Variants in DPF3 observed in about 807,000 individuals in gnomAD.
DPF3 encodes double PHD fingers 3.
In DPF3, 18 loss-of-function variants were observed where a neutral mutation model predicts 56.8. The observed-to-expected ratio is 0.32, with a 90% confidence interval of 0.22 to 0.47. The LOEUF (loss-of-function observed/expected upper bound fraction) is 0.47, where lower values mean the gene tolerates loss of function less well. Among genes scored for constraint, DPF3 ranks in the 20% least tolerant of loss-of-function variants. The pLI is 1.00. For missense variants in DPF3, 403 were observed against 488.8 expected, an observed-to-expected ratio of 0.82 and a Z score of 1.65; for synonymous variants, 188 against 180.2, an observed-to-expected ratio of 1.04 and a Z score of -0.35.
intron 9 of DPF3, among the ~76,000 whole-genome samples, chr14:72,620,266 C>T (rs568488543): frequency 9.8e-5 from 15 of 152,322 alleles, no homozygotes; most frequent in African/African-American, 2.9e-4. Flanking sequence ...CACCTCACAT[C>T]CAAATTTAAA....
rs1478360062 is a variant in DPF3 at position 72,619,906 on chromosome 14, C to G, written c.1063G>C (p.Glu355Gln). 1 of 1,532,098 alleles carries G rather than the reference C, an allele frequency of 6.5e-7. No individual in the cohort carries two copies. The highest frequency in any genetic ancestry group is 8.7e-7 in the Non-Finnish European group (1 of 1,145,236). 94.9% of individuals were successfully genotyped at this position (1,532,098 alleles called of 1,614,324 possible). Residue 355 changes from glutamate (E) to glutamine (Q), a missense_variant, in exon 10 of 11, where the codon GAA becomes CAA. By Grantham distance (29) the Glu-to-Gln change is conservative (BLOSUM62 2). Around this residue, in one of 2 missense-constraint regions of DPF3, gnomAD observed 63 missense variants for 114.4 expected, o/e 0.55. Transcript: ENST00000556509. ...CLNPPVAEPP[E>Q]GSWSCHLCWE... Reference sequence around the variant, plus strand: ...TTGTTGACTTCATCATCATTACCTTCTGGGGGCTCAGCCACCGGGGGATTT... The same window carrying G: ...TTGTTGACTTCATCATCATTACCTTGTGGGGGCTCAGCCACCGGGGGATTT...
intron 1 of DPF3, among the ~76,000 whole-genome samples, chr14:72,817,112 C>A (rs551762510): frequency 6.6e-6 from 1 of 152,142 alleles, no homozygotes; most frequent in Non-Finnish European, 1.5e-5. Context: ...CTCACAGCCC[C>A]GGGGGGACAG....
intron 1 of DPF3, among the ~76,000 whole-genome samples, chr14:72,807,595 T>C (rs575661243): frequency 3.9e-5 from 6 of 152,278 alleles, no homozygotes; most frequent in Non-Finnish European, 8.8e-5. Flanking sequence ...ATCCCAGAAC[T>C]TGGGGAGGCC....
chr14:72,889,165 T>A (rs766334681), intron 1 of DPF3, among the ~76,000 whole-genome samples: 41 of 152,176 alleles, frequency 2.7e-4, no homozygotes, highest in Non-Finnish European at 4.7e-4. Flanking sequence ...GCCCACCTTA[T>A]GTGACTAAGC....
At chr14:72,764,295 A>G (rs1891174208) in intron 2 of DPF3, among the ~76,000 whole-genome samples, 1 of 152,142 alleles carries the variant, frequency 6.6e-6, no homozygotes, top group Non-Finnish European at 1.5e-5. Flanking sequence ...CAAATGGACT[A>G]GATTCAGAGA....
At chr14:72,822,685 C>CA (rs1465423910) in intron 1 of DPF3, among the ~76,000 whole-genome samples, 3 of 151,458 alleles carry the variant, frequency 2.0e-5, no homozygotes, top group Non-Finnish European at 2.9e-5. Context: ...TTTTCTTTTT[C>CA]AAAAAAACAC....
chr14:72,779,411 C>T (rs1299669407), intron 1 of DPF3, among the ~76,000 whole-genome samples: 1 of 152,222 alleles, frequency 6.6e-6, no homozygotes. Context: ...CCCTGAAACT[C>T]AGTGTTTAGT....
chr14:72,840,943 C>A (rs2140067971), intron 1 of DPF3, among the ~76,000 whole-genome samples: 1 of 152,318 alleles, frequency 6.6e-6, no homozygotes, highest in South Asian at 2.1e-4. Flanking sequence ...CCTAGAAATA[C>A]AAATTCCCAG....
chr14:72,632,608 AAAGG>A (rs751348804), intron 8 of DPF3, among the ~76,000 whole-genome samples: 86 of 147,406 alleles, frequency 5.8e-4, no homozygotes, highest in South Asian at 2.3e-4. Flanking sequence ...GGGAAGGAAG[AAAGG>A]AAGGAAGGAA....
chr14:72,688,749 TATTTC>T (rs1567201041), intron 7 of DPF3, among the ~76,000 whole-genome samples: 1 of 152,232 alleles, frequency 6.6e-6, no homozygotes, highest in Non-Finnish European at 1.5e-5. Context: ...CACAGTCATT[TATTTC>T]ATTTGCAAAA....
intron 2 of DPF3, among the ~76,000 whole-genome samples, chr14:72,756,893 G>C (rs1023416685): frequency 2.1e-5 from 2 of 95,654 alleles, no homozygotes; most frequent in Non-Finnish European, 3.9e-5. Flanking sequence ...AGGAAAGAAA[G>C]AAAGAAAAGA....
intron 6 of DPF3, among the ~76,000 whole-genome samples, chr14:72,709,387 G>A (rs1888557248): frequency 6.6e-6 from 1 of 152,074 alleles, no homozygotes; most frequent in Non-Finnish European, 1.5e-5. Flanking sequence ...GTAGTTGGGG[G>A]GCAGTGATTT....
intron 8 of DPF3, chr14:72,673,960 G>A (rs755495556): frequency 2.6e-6 from 1 of 385,342 alleles, no homozygotes; most frequent in African/African-American, 2.0e-5. Flanking sequence ...ACCTCGCTGT[G>A]GTCCGTAAAA....
intron 1 of DPF3, among the ~76,000 whole-genome samples, chr14:72,799,801 T>A (rs1238956909): frequency 2.6e-5 from 4 of 152,074 alleles, no homozygotes; most frequent in Admixed American, 6.6e-5. Context: ...GAAAGGCAGA[T>A]AACAATATAT....
chr14:72,755,517 C>A (rs1890755760), intron 2 of DPF3, among the ~76,000 whole-genome samples: 1 of 152,264 alleles, frequency 6.6e-6, no homozygotes, highest in South Asian at 2.1e-4. Context: ...TATTGCCTCA[C>A]CTGTAAGATA....
chr14:72,765,675 C>T (rs1362481166), intron 2 of DPF3, among the ~76,000 whole-genome samples: 2 of 152,170 alleles, frequency 1.3e-5, no homozygotes, highest in African/African-American at 4.8e-5. Flanking sequence ...AGGCCGGGTG[C>T]GGTGGCTCAC....
chr14:72,705,503 G>A (rs747882792), intron 6 of DPF3, among the ~76,000 whole-genome samples: 13 of 151,966 alleles, frequency 8.6e-5, no homozygotes, highest in Non-Finnish European at 1.5e-4. Flanking sequence ...CCTGCCCTCC[G>A]CCCCTGGTCC....
At chr14:72,745,067 G>A (rs931612687) in intron 3 of DPF3, among the ~76,000 whole-genome samples, 5 of 150,924 alleles carry the variant, frequency 3.3e-5, no homozygotes, top group African/African-American at 7.3e-5. Context: ...GGGAAGATGA[G>A]GAAAAGACAG....
chr14:72,767,138 C>A (rs1891320552), intron 2 of DPF3, among the ~76,000 whole-genome samples: 1 of 152,210 alleles, frequency 6.6e-6, no homozygotes. Flanking sequence ...ATCCATCTGA[C>A]AGTAATAAGG....
Sources: gnomAD v4.1 joint callset for allele counts (sites outside exome capture counted in the v4.1 genomes callset) on GRCh38, gnomAD v4.1.1 for gene constraint, gnomAD v4.1.1 regional missense constraint, MANE v1.5 for transcripts, NCBI Gene and HGNC (gene_info 2026-07-23, HGNC 2026-07-21) for gene names.